The following ASTN2 variants were observed in gnomAD, a reference collection of about 807,000 sequenced individuals.
The protein encoded by ASTN2 is astrotactin-2.
In ASTN2, 54 loss-of-function variants were observed where a neutral mutation model predicts 139.8. That is an observed-to-expected ratio of 0.39 (90% CI 0.31 to 0.48). ASTN2 has a LOEUF of 0.48. ASTN2 is among the 20% of genes least tolerant of loss of function. The pLI, the probability that ASTN2 is intolerant of heterozygous loss-of-function variation, is 0.95. For missense variants in ASTN2, 1,565 were observed against 1,725.1 expected, an observed-to-expected ratio of 0.91 and a Z score of 1.64; for synonymous variants, 756 against 719.5, an observed-to-expected ratio of 1.05 and a Z score of -0.81.
At position 116,803,390 on chromosome 9, in the gene ASTN2, A is replaced by T. The variant is rs149373134; in HGVS notation, c.2396+2242T>A. 7.5e-3 allele frequency among the ~76,000 whole-genome samples: 1,098 copies of T among 145,908 alleles called. 5 individuals carry two copies. The highest frequency in any genetic ancestry group is 0.012 in the Non-Finnish European group (776 of 66,814). ...GATTGCAGTGGCATGATCATAGCTC[A>T]CTGTAACCTTGAATGGCCAGGCTCA... On this transcript the variant is annotated intron_variant, in intron 13 of 22. Transcript: ENST00000313400.
intron 11 of ASTN2, among the ~76,000 whole-genome samples, chr9:116,831,280 A>G (rs572034718): frequency 6.6e-6 from 1 of 152,302 alleles, no homozygotes; most frequent in African/African-American, 2.4e-5. Flanking sequence ...GGTGATGGGT[A>G]TAATAAAAGC....
intron 2 of ASTN2, among the ~76,000 whole-genome samples, chr9:117,271,462 C>T (rs1834061699): frequency 6.6e-6 from 1 of 152,156 alleles, no homozygotes; most frequent in African/African-American, 2.4e-5. Flanking sequence ...CCCTCCAAAT[C>T]TCATGTCCTT....
At chr9:116,823,376 C>G (rs1316131480) in intron 11 of ASTN2, among the ~76,000 whole-genome samples, 2 of 152,154 alleles carry the variant, frequency 1.3e-5, no homozygotes, top group Admixed American at 1.3e-4. Flanking sequence ...ACTGACTGAT[C>G]TCTAGTTTTA....
At chr9:116,489,209 G>A (rs1849433360) in intron 19 of ASTN2, among the ~76,000 whole-genome samples, 1 of 152,148 alleles carries the variant, frequency 6.6e-6, no homozygotes, top group African/African-American at 2.4e-5. Flanking sequence ...CAGAAGATTA[G>A]GACTCAGAGC....
In ASTN2 at chr9:116,698,610, C is replaced by T. The variant is rs1272966742; in HGVS notation, c.2806+27161G>A. ...TAAGGTAGGTCATGTTGGCCCCCTC[C>T]AAATTGGACAAGCTGTTAAGAAGCC... On this transcript the variant is annotated intron_variant, in intron 16 of 22. Transcript: ENST00000313400. This position sits in a 1 kb window ranked among gnomAD's most constrained non-coding sequence, Gnocchi z 4.4. The T allele has an allele frequency of 1.9e-6, 3 of 1,614,098 alleles. No homozygotes were observed. Among genetic ancestry groups the T allele is most frequent in the Non-Finnish European group, 2.5e-6 (3 of 1,180,024 alleles).
chr9:117,085,965 T>C (rs565955715), intron 5 of ASTN2, among the ~76,000 whole-genome samples: 21 of 152,206 alleles, frequency 1.4e-4, no homozygotes, highest in Non-Finnish European at 2.8e-4. Flanking sequence ...GTGAACCCTC[T>C]CAATTCTTAG....
chr9:116,868,270 T>G (rs1457999450), intron 10 of ASTN2, among the ~76,000 whole-genome samples: 2 of 152,178 alleles, frequency 1.3e-5, no homozygotes, highest in East Asian at 3.8e-4. Flanking sequence ...TTATACCCAA[T>G]GTGCAGCTGG....
intron 10 of ASTN2, among the ~76,000 whole-genome samples, chr9:116,884,807 C>CCG (rs1554756743): frequency 9.3e-6 from 1 of 107,952 alleles, no homozygotes; most frequent in African/African-American, 3.4e-5. Flanking sequence ...ATATCCGCCC[C>CCG]CCCCCCACCC....
Position 116,698,108 on chromosome 9 carries a change from C to T in ASTN2, c.2806+27663G>A. 6.2e-7 allele frequency: 1 copy of T among 1,614,110 alleles called. No homozygotes were observed. The highest frequency in any genetic ancestry group is 1.1e-5 in the South Asian group (1 of 91,084). ...GCTGTGGTTTGGTGTTATGTGAGCC[C>T]TGCCGGGAGGCAGACCATCAGCCTC... On this transcript the variant is annotated intron_variant, in intron 16 of 22. Transcript: ENST00000313400. This position sits in a 1 kb window ranked among gnomAD's most constrained non-coding sequence, Gnocchi z 4.4.
intron 2 of ASTN2, among the ~76,000 whole-genome samples, chr9:117,287,109 T>C (rs1445841441): frequency 6.6e-6 from 1 of 152,208 alleles, no homozygotes; most frequent in African/African-American, 2.4e-5. Flanking sequence ...GTGCTGCACT[T>C]AGTGCCTGGC....
At chr9:116,761,342 G>A (rs568210713) in intron 13 of ASTN2, among the ~76,000 whole-genome samples, 3 of 152,310 alleles carry the variant, frequency 2.0e-5, no homozygotes, top group African/African-American at 7.2e-5. Context: ...AGTACCTGCT[G>A]TGTGGTAGGT....
chr9:116,627,411 C>T (rs1289779318), intron 17 of ASTN2, among the ~76,000 whole-genome samples: 1 of 152,180 alleles, frequency 6.6e-6, no homozygotes, highest in Non-Finnish European at 1.5e-5. Context: ...CACAACTCTG[C>T]ACAGACTAGG....
intron 1 of ASTN2, among the ~76,000 whole-genome samples, chr9:117,298,300 CTAATT>C (rs1245335801): frequency 6.6e-6 from 1 of 152,052 alleles, no homozygotes; most frequent in Non-Finnish European, 1.5e-5. Context: ...TGTGTTTTTC[CTAATT>C]TAATATGTTG....
chr9:117,169,820 G>A, intron 3 of ASTN2, among the ~76,000 whole-genome samples: 1 of 152,118 alleles, frequency 6.6e-6, no homozygotes, highest in East Asian at 1.9e-4. Flanking sequence ...GTGAAGGGAG[G>A]GAGTTCCCAA....
At position 116,792,951 on chromosome 9, in the gene ASTN2, G is replaced by C. The variant is rs542274493; in HGVS notation, c.2396+12681C>G. On this transcript the variant is annotated intron_variant, in intron 13 of 22. Transcript: ENST00000313400. Reference sequence around the variant, plus strand: ...ATAGCAGAAACTGGGGACTACTGAGGGGGGAAGGAGAAAGGGGACAAGGGT... The same window carrying C: ...ATAGCAGAAACTGGGGACTACTGAGCGGGGAAGGAGAAAGGGGACAAGGGT... Among the ~76,000 whole-genome samples, 9 of 152,212 alleles carry C rather than the reference G, an allele frequency of 5.9e-5. No homozygotes were observed. The East Asian group carries it at 1.4e-3, about 23-fold the overall frequency.
chr9:116,963,104 T>C (rs768618009), intron 10 of ASTN2, among the ~76,000 whole-genome samples: 4 of 152,152 alleles, frequency 2.6e-5, no homozygotes. Context: ...TCCAATGCAA[T>C]ATAAGGCAAT....
chr9:116,639,093 A>C (rs1204003632), intron 17 of ASTN2, among the ~76,000 whole-genome samples: 2 of 152,204 alleles, frequency 1.3e-5, no homozygotes, highest in Non-Finnish European at 1.5e-5. Flanking sequence ...TCATTATTAT[A>C]TTCTCTCTAC....
chr9:116,499,326 C>G (rs1314847168), intron 19 of ASTN2, among the ~76,000 whole-genome samples: 3 of 151,992 alleles, frequency 2.0e-5, no homozygotes, highest in Non-Finnish European at 4.4e-5. Context: ...TGAATCAAGG[C>G]AGGGATGATG....
intron 11 of ASTN2, among the ~76,000 whole-genome samples, chr9:116,846,228 G>A (rs1016000656): frequency 7.9e-5 from 12 of 152,138 alleles, no homozygotes; most frequent in African/African-American, 2.9e-4. Context: ...ATTATTTAAT[G>A]GGTATAGAGT....
Sources: gnomAD v4.1 joint callset for allele counts (sites outside exome capture counted in the v4.1 genomes callset) on GRCh38, gnomAD v4.1.1 for gene constraint, Gnocchi (gnomAD v3.1) non-coding constraint, MANE v1.5 for transcripts, NCBI Gene and HGNC (gene_info 2026-07-23, HGNC 2026-07-21) for gene names.